The following LRCH1 variants were observed in gnomAD, a reference collection of about 807,000 sequenced individuals.
LRCH1 encodes leucine rich repeats and calponin homology domain containing 1, also known as leucine-rich repeat and calponin homology domain-containing protein 1.
LRCH1 carries 23 observed loss-of-function variants against 94.9 expected under a neutral mutation model. That is an observed-to-expected ratio of 0.24 (90% CI 0.17 to 0.34). LRCH1 has a LOEUF of 0.34. Among genes scored for constraint, LRCH1 ranks in the 10% least tolerant of loss-of-function variants. LRCH1 has a pLI of 1.00. For missense variants in LRCH1, 790 were observed against 945.9 expected (o/e 0.84, Z 2.16); for synonymous variants, 364 against 354.9 (o/e 1.03, Z -0.29).
At chr13:46,610,650 AT>A (rs1034783070) in intron 1 of LRCH1, among the ~76,000 whole-genome samples, 1 of 152,028 alleles carries the variant, frequency 6.6e-6, no homozygotes, top group African/African-American at 2.4e-5. Context: ...GAATGCCATT[AT>A]TTCATTCCTT....
intron 4 of LRCH1, among the ~76,000 whole-genome samples, chr13:46,683,265 AG>A (rs1870434897): frequency 6.6e-6 from 1 of 152,232 alleles, no homozygotes; most frequent in African/African-American, 2.4e-5. Flanking sequence ...TGAAAGGGAA[AG>A]AACTTTGCAA....
chr13:46,701,816 C>T (rs878892372), intron 11 of LRCH1, among the ~76,000 whole-genome samples: 1 of 152,188 alleles, frequency 6.6e-6, no homozygotes, highest in Non-Finnish European at 1.5e-5. Flanking sequence ...TAGCAGGTAT[C>T]ATGTATCGGG....
chr13:46,711,071 AC>A (rs1179173681), intron 13 of LRCH1, among the ~76,000 whole-genome samples: 2 of 151,762 alleles, frequency 1.3e-5, no homozygotes, highest in African/African-American at 2.4e-5. Context: ...TCCCCTCTGT[AC>A]CCCAGTATTC....
At chr13:46,687,810 G>A (rs768983842) in intron 5 of LRCH1, 42 bp from the exon 6 acceptor site, 25 of 1,568,184 alleles carry the variant, frequency 1.6e-5, no homozygotes, top group South Asian at 2.3e-5. Flanking sequence ...ATTTTGTTTT[G>A]TCATTGAAAA....
intron 1 of LRCH1, among the ~76,000 whole-genome samples, chr13:46,558,890 A>G (rs2050099630): frequency 1.3e-5 from 2 of 152,208 alleles, no homozygotes; most frequent in South Asian, 4.1e-4. Flanking sequence ...CCTTTAATTG[A>G]GGACTCCGGA....
intron 19 of LRCH1, among the ~76,000 whole-genome samples, chr13:46,737,856 G>A (rs890948953): frequency 1.3e-5 from 2 of 151,926 alleles, no homozygotes; most frequent in Admixed American, 1.3e-4. Context: ...CCAAATTTAG[G>A]GATATTTTAG....
chr13:46,583,764 ATTTT>A (rs34881091), intron 1 of LRCH1, among the ~76,000 whole-genome samples: 1 of 142,920 alleles, frequency 7.0e-6, no homozygotes. Flanking sequence ...GAATTTTTCT[ATTTT>A]TTTTTTTTTT....
chr13:46,627,179 G>T (rs543098186), intron 1 of LRCH1, among the ~76,000 whole-genome samples: 1 of 152,122 alleles, frequency 6.6e-6, no homozygotes, highest in Non-Finnish European at 1.5e-5. Flanking sequence ...GTGTTTTAGG[G>T]TATATGTATA....
chr13:46,643,118 C>G (rs1011335482), intron 1 of LRCH1, among the ~76,000 whole-genome samples: 1 of 152,202 alleles, frequency 6.6e-6, no homozygotes, highest in African/African-American at 2.4e-5. Context: ...GTCACTCAGA[C>G]CCTACTGTAC....
chr13:46,609,995 T>C (rs1389739053), intron 1 of LRCH1, among the ~76,000 whole-genome samples: 2 of 152,188 alleles, frequency 1.3e-5, no homozygotes, highest in Non-Finnish European at 2.9e-5. Flanking sequence ...ATCCAAGGTG[T>C]CCAGGAACTA....
rs200541755 is a variant in LRCH1, at chr13:46,741,888, C to T, written c.*40C>T. 1 of 1,611,646 alleles carries T rather than the reference C, an allele frequency of 6.2e-7. No individual in the cohort carries two copies. Among genetic ancestry groups the T allele is most frequent in the African/African-American group, 1.3e-5 (1 of 74,986 alleles). ...TCCAAACGCTGTGCTCTGTCGCCCT[C>T]AACCTTTGCAGGGTCCTTCCTACCT... On this transcript the variant is annotated 3_prime_UTR_variant, in exon 20 of 20. Transcript: ENST00000389797.
intron 3 of LRCH1, among the ~76,000 whole-genome samples, chr13:46,670,656 C>CCCA (rs923921131): frequency 6.6e-6 from 1 of 151,472 alleles, no homozygotes; most frequent in African/African-American, 2.4e-5. Context: ...ACTGCCCATC[C>CCCA]CCCCCCAACC....
At chr13:46,705,969 A>G (rs1871737562) in intron 13 of LRCH1, among the ~76,000 whole-genome samples, 1 of 152,178 alleles carries the variant, frequency 6.6e-6, no homozygotes, top group African/African-American at 2.4e-5. Context: ...GCTACAACCC[A>G]TTTCCTGAAT....
chr13:46,654,220 C>T (rs1429581132), intron 2 of LRCH1, among the ~76,000 whole-genome samples: 1 of 152,156 alleles, frequency 6.6e-6, no homozygotes, highest in African/African-American at 2.4e-5. Context: ...CAAACTACCA[C>T]CCCACTCCCA....
At position 46,742,830 on chromosome 13, in the gene LRCH1, T is replaced by G; in HGVS notation, c.*982T>G. 1.0e-6 allele frequency: 1 copy of G among 985,382 alleles called. No homozygotes were observed. The highest frequency in any genetic ancestry group is 1.2e-6 in the Non-Finnish European group (1 of 829,904). 61.0% of individuals were successfully genotyped at this position (985,382 alleles called of 1,614,324 possible). A position where few individuals can be genotyped will look rare whatever the true frequency, so the allele number is the denominator to read the frequency against. ...ATGATGGCAGGAGTCAAGAAGAAGA[T>G]TACTTTCATTCTAGAAGAATGTAGT... is the stretch of plus-strand genomic sequence containing the variant. On this transcript the variant is annotated 3_prime_UTR_variant, in exon 20 of 20. Transcript: ENST00000389797.
intron 1 of LRCH1, among the ~76,000 whole-genome samples, chr13:46,614,508 T>C (rs532556331): frequency 3.3e-5 from 5 of 152,168 alleles, no homozygotes; most frequent in Non-Finnish European, 7.4e-5. Flanking sequence ...AAACCCAAAC[T>C]GTTCTTAGAG....
chr13:46,575,782 T>TTC (rs920128986), intron 1 of LRCH1, among the ~76,000 whole-genome samples: 14 of 152,304 alleles, frequency 9.2e-5, no homozygotes, highest in Middle Eastern at 3.4e-3. Context: ...CATGTTTTCT[T>TTC]TCTCTCTCTC....
At position 46,743,220 on chromosome 13, in the gene LRCH1, C is replaced by G; in HGVS notation, c.*1372C>G. ...CATAGATGGCTACTACGAAGAAAATCTTATTTTTCTGAACATTTTCATGAA... is the reference window on the plus strand; with the variant it reads ...CATAGATGGCTACTACGAAGAAAATGTTATTTTTCTGAACATTTTCATGAA... On this transcript the variant is annotated 3_prime_UTR_variant, in exon 20 of 20. Coordinates refer to ENST00000389797, the MANE Select transcript of LRCH1 (RefSeq NM_001164211.2). The G allele has an allele frequency of 5.1e-6, 5 of 985,728 alleles. No individual in the cohort carries two copies. The highest frequency in any genetic ancestry group is 6.0e-6 in the Non-Finnish European group (5 of 829,858). 61.1% of individuals were successfully genotyped at this position (985,728 alleles called of 1,614,324 possible).
intron 1 of LRCH1, among the ~76,000 whole-genome samples, chr13:46,588,167 C>T (rs2050455571): frequency 6.6e-6 from 1 of 152,092 alleles, no homozygotes. Context: ...ACATGCTGTG[C>T]ACCAAAGCAT....
Sources: gnomAD v4.1 joint callset for allele counts (sites outside exome capture counted in the v4.1 genomes callset) on GRCh38, gnomAD v4.1.1 for gene constraint, MANE v1.5 for transcripts, NCBI Gene and HGNC (gene_info 2026-07-23, HGNC 2026-07-21) for gene names.